CRYBA4: variants seen among roughly 807,000 people sequenced by gnomAD.
CRYBA4 encodes crystallin beta A4, also known as beta-crystallin A4.
CRYBA4 carries 30 observed loss-of-function variants against 31.7 expected under a neutral mutation model. That is an observed-to-expected ratio of 0.95 (90% CI 0.71 to 1.28). The LOEUF (loss-of-function observed/expected upper bound fraction) is 1.28, where lower values mean the gene tolerates loss of function less well. Ranked by LOEUF, CRYBA4 falls within the 50% of genes most tolerant of loss-of-function variation. The pLI, the probability that CRYBA4 is intolerant of heterozygous loss-of-function variation, is 0.00. For missense variants in CRYBA4, 225 were observed against 260.7 expected, an observed-to-expected ratio of 0.86 and a Z score of 0.94; for synonymous variants, 102 against 102.3, an observed-to-expected ratio of 1.00 and a Z score of 0.02.
the CRYBA4 span, among the ~76,000 whole-genome samples, chr22:26,607,150 G>T: frequency 2.0e-5 from 3 of 150,964 alleles, no homozygotes; most frequent in Admixed American, 2.0e-4. Context: ...AGCCTTGCTA[G>T]TAGCTGGGAT....
At chr22:26,613,805 A>T in the CRYBA4 span, among the ~76,000 whole-genome samples, 1 of 152,238 alleles carries the variant, frequency 6.6e-6, no homozygotes, top group East Asian at 1.9e-4. Context: ...TCTGACCGCC[A>T]GTGAGCCGGG....
At chr22:26,625,115 G>A (rs888904489) in intron 3 of CRYBA4, among the ~76,000 whole-genome samples, 4 of 152,188 alleles carry the variant, frequency 2.6e-5, no homozygotes, top group African/African-American at 9.7e-5. Context: ...GAGGAGCAAG[G>A]TTGTCAGGGC....
At chr22:26,623,765 TA>T (rs11389946) in intron 3 of CRYBA4, among the ~76,000 whole-genome samples, 27,633 of 148,404 alleles carry the variant, frequency 0.19, 2,769 homozygotes, top group East Asian at 0.37. Flanking sequence ...TCATTTTTTG[TA>T]AAAAAAAAAA....
At chr22:26,594,819 G>A in the CRYBA4 span, among the ~76,000 whole-genome samples, 1 of 152,238 alleles carries the variant, frequency 6.6e-6, no homozygotes, top group East Asian at 1.9e-4. Flanking sequence ...CCCCTTGGAA[G>A]TCCAGCTTCA....
chr22:26,602,846 G>A, the CRYBA4 span, among the ~76,000 whole-genome samples: 37 of 152,064 alleles, frequency 2.4e-4, 3 homozygotes, highest in East Asian at 6.6e-3. Context: ...CCTCTAGGCC[G>A]GGTGCGATGG....
chr22:26,591,799 T>A, the CRYBA4 span, among the ~76,000 whole-genome samples: 10 of 149,896 alleles, frequency 6.7e-5, no homozygotes, highest in Non-Finnish European at 1.2e-4. Flanking sequence ...TTCCCCCTAC[T>A]TGGGAGGCTG....
At chr22:26,603,668 G>A in the CRYBA4 span, among the ~76,000 whole-genome samples, 5 of 152,040 alleles carry the variant, frequency 3.3e-5, no homozygotes, top group African/African-American at 1.2e-4. Context: ...ACTTTAGGAG[G>A]CCAAGATGGG....
the CRYBA4 span, chr22:26,616,069 GAGA>G: frequency 8.4e-6 from 10 of 1,184,246 alleles, no homozygotes; most frequent in African/African-American, 6.0e-5. Flanking sequence ...AGAGGAGGAG[GAGA>G]AGAAGGAGGA....
At chr22:26,613,399 G>A in the CRYBA4 span, among the ~76,000 whole-genome samples, 1 of 152,224 alleles carries the variant, frequency 6.6e-6, no homozygotes, top group Admixed American at 6.5e-5. Context: ...GGATGTTGCG[G>A]GAAGTCAGGG....
At chr22:26,618,801 T>C (rs1665762344), upstream of CRYBA4, among the ~76,000 whole-genome samples, 1 of 152,236 alleles carries the variant, frequency 6.6e-6, no homozygotes, top group African/African-American at 2.4e-5. Context: ...AGAGTCGCAC[T>C]GTGCTCAGCT....
At chr22:26,613,355 G>A in the CRYBA4 span, among the ~76,000 whole-genome samples, 1 of 152,156 alleles carries the variant, frequency 6.6e-6, no homozygotes, top group Admixed American at 6.5e-5. Flanking sequence ...TCTACCTTTG[G>A]TTGCCCAAGA....
At chr22:26,593,306 T>C in the CRYBA4 span, among the ~76,000 whole-genome samples, 1 of 152,170 alleles carries the variant, frequency 6.6e-6, no homozygotes, top group Non-Finnish European at 1.5e-5. Context: ...TCTTTCCAGC[T>C]CTGACATTCA....
intron 4 of CRYBA4, among the ~76,000 whole-genome samples, chr22:26,627,364 C>CCTTCTT (rs1555944176): frequency 2.0e-4 from 6 of 30,308 alleles, no homozygotes; most frequent in Non-Finnish European, 2.3e-4. Context: ...TCCCTCCTTT[C>CCTTCTT]TTTCTTTCTT....
chr22:26,621,480 C>T (rs1341888925), upstream of CRYBA4, among the ~76,000 whole-genome samples: 2 of 152,196 alleles, frequency 1.3e-5, no homozygotes, highest in Non-Finnish European at 2.9e-5. Flanking sequence ...GCAAGCCTAT[C>T]TGGATTGCTT....
chr22:26,601,997 G>A, the CRYBA4 span: 3 of 1,613,770 alleles, frequency 1.9e-6, no homozygotes, highest in Non-Finnish European at 2.5e-6. Context: ...CCTTCAAACA[G>A]GGAGATTTTG....
At chr22:26,614,950 A>C in the CRYBA4 span, among the ~76,000 whole-genome samples, 1 of 152,176 alleles carries the variant, frequency 6.6e-6, no homozygotes, top group Non-Finnish European at 1.5e-5. Context: ...TGAGGATAGG[A>C]CAGTATTTCC....
chr22:26,619,109 T>C (rs1427211195), upstream of CRYBA4, among the ~76,000 whole-genome samples: 1 of 152,090 alleles, frequency 6.6e-6, no homozygotes, highest in East Asian at 1.9e-4. Flanking sequence ...AACTGGTGAC[T>C]CAATGGTGGT....
At chr22:26,616,457 A>T in the CRYBA4 span, 1 of 726,148 alleles carries the variant, frequency 1.4e-6, no homozygotes, top group African/African-American at 1.7e-5. Context: ...TCCTTCTGAA[A>T]CGGTTAAGCC....
the CRYBA4 span, among the ~76,000 whole-genome samples, chr22:26,609,274 C>T: frequency 6.6e-6 from 1 of 152,306 alleles, no homozygotes; most frequent in South Asian, 2.1e-4. Flanking sequence ...GATGAGTTAA[C>T]CACACTGGAG....
Sources: allele counts gnomAD v4.1 joint callset (sites outside exome capture counted in the v4.1 genomes callset), GRCh38; gene constraint gnomAD v4.1.1; transcripts MANE v1.5; gene names NCBI Gene and HGNC (gene_info 2026-07-23, HGNC 2026-07-21).